Variants in EPHA6 observed in about 807,000 individuals in gnomAD.
EPHA6 encodes the protein EPH receptor A6.
A neutral mutation model predicts 112.0 loss-of-function variants in EPHA6; 50 were observed. The ratio of observed to expected loss-of-function variants is 0.45; its 90% CI spans 0.36 to 0.56. EPHA6 has a LOEUF of 0.56. EPHA6 is among the 20% of genes least tolerant of loss of function. EPHA6 has a pLI of 0.00. For synonymous variants in EPHA6, 529 were observed against 490.7 expected (o/e 1.08, Z -1.03); for missense variants, 1,280 against 1,417.4 (o/e 0.90, Z 1.56).
At chr3:97,267,189 T>C (rs2079712791) in intron 5 of EPHA6, among the ~76,000 whole-genome samples, 1 of 152,142 alleles carries the variant, frequency 6.6e-6, no homozygotes, top group South Asian at 2.1e-4. Context: ...ACGAACTGTT[T>C]CAAAAGCCAC....
chr3:97,480,084 T>C (rs2091486196), intron 9 of EPHA6, among the ~76,000 whole-genome samples: 1 of 152,200 alleles, frequency 6.6e-6, no homozygotes, highest in Non-Finnish European at 1.5e-5. Context: ...TTATCTTTTA[T>C]TTCAAATTGA....
chr3:97,160,423 C>CT (rs1192865443), intron 3 of EPHA6, among the ~76,000 whole-genome samples: 1 of 151,786 alleles, frequency 6.6e-6, no homozygotes, highest in Non-Finnish European at 1.5e-5. Context: ...ATTACAGGTG[C>CT]CCCCCACCAT....
chr3:97,521,153 T>C (rs758192544), intron 10 of EPHA6, among the ~76,000 whole-genome samples: 1 of 152,026 alleles, frequency 6.6e-6, no homozygotes, highest in Non-Finnish European at 1.5e-5. Context: ...TTGTATCTCA[T>C]TGAGCTTCTT....
chr3:97,533,689 G>A lies in EPHA6; in HGVS notation c.2386+1146G>A, dbSNP rs183663384. Among the ~76,000 whole-genome samples, 89 of 151,924 alleles carry A rather than the reference G, an allele frequency of 5.9e-4. 1 individual carries two copies. Among genetic ancestry groups the A allele is most frequent in the East Asian group, 3.7e-3 (19 of 5,138 alleles). ...GTAAAGGCATCTTACATGTTTGTACGTTGGAGCTTGTCCTCTTGCCACACT... is the reference window on the plus strand; with the variant it reads ...GTAAAGGCATCTTACATGTTTGTACATTGGAGCTTGTCCTCTTGCCACACT... On this transcript the variant is annotated intron_variant, in intron 11 of 17. Coordinates refer to ENST00000389672, the MANE Select transcript of EPHA6 (RefSeq NM_001080448.3).
At chr3:97,540,723 C>CA (rs1407717462) in intron 11 of EPHA6, among the ~76,000 whole-genome samples, 2 of 151,512 alleles carry the variant, frequency 1.3e-5, no homozygotes, top group Non-Finnish European at 2.9e-5. Flanking sequence ...CAGTAAGAGC[C>CA]AAAAAAAGAA....
At chr3:97,204,916 G>A (rs1290402311) in intron 3 of EPHA6, among the ~76,000 whole-genome samples, 3 of 152,056 alleles carry the variant, frequency 2.0e-5, no homozygotes, top group African/African-American at 4.8e-5. Flanking sequence ...CTTCCTAAGG[G>A]ATAAAGGGAG....
chr3:97,412,918 A>G (rs1339092167), intron 6 of EPHA6, among the ~76,000 whole-genome samples: 1 of 152,004 alleles, frequency 6.6e-6, no homozygotes, highest in African/African-American at 2.4e-5. Context: ...AAATTATCAG[A>G]GATCACAATG....
chr3:97,593,207 T>A (rs972733353), intron 12 of EPHA6, among the ~76,000 whole-genome samples: 1 of 152,156 alleles, frequency 6.6e-6, no homozygotes, highest in Non-Finnish European at 1.5e-5. Flanking sequence ...CTGAAAGACA[T>A]ATTTTAGAAT....
chr3:97,733,695 C>T (rs1328764888), intron 15 of EPHA6, among the ~76,000 whole-genome samples: 1 of 152,056 alleles, frequency 6.6e-6, no homozygotes, highest in Non-Finnish European at 1.5e-5. Context: ...ATCATACATA[C>T]ATGCACAAGA....
intron 5 of EPHA6, among the ~76,000 whole-genome samples, chr3:97,360,239 A>G (rs1385158898): frequency 6.6e-6 from 1 of 151,526 alleles, no homozygotes; most frequent in Non-Finnish European, 1.5e-5. Context: ...ATCTGAAATC[A>G]ACTTCAATTT....
At chr3:97,327,594 C>A (rs963297106) in intron 5 of EPHA6, among the ~76,000 whole-genome samples, 1 of 151,802 alleles carries the variant, frequency 6.6e-6, no homozygotes, top group South Asian at 2.1e-4. Context: ...GATCCCCCCA[C>A]GTTGCTTTTT....
intron 2 of EPHA6, among the ~76,000 whole-genome samples, chr3:96,967,010 A>G (rs1290247064): frequency 6.6e-6 from 1 of 151,934 alleles, no homozygotes; most frequent in Admixed American, 6.6e-5. Context: ...CACTTAGGAA[A>G]ATAACATTTT....
At chr3:97,690,550 C>T (rs559434341) in intron 14 of EPHA6, among the ~76,000 whole-genome samples, 39 of 152,142 alleles carry the variant, frequency 2.6e-4, no homozygotes, top group African/African-American at 9.2e-4. Flanking sequence ...TCACTGCAAC[C>T]TCCACCTCCT....
At chr3:97,463,764 CATG>C (rs2107401045) in intron 7 of EPHA6, among the ~76,000 whole-genome samples, 1 of 152,210 alleles carries the variant, frequency 6.6e-6, no homozygotes, top group African/African-American at 2.4e-5. Context: ...TAATTCATTC[CATG>C]CACACAGACT....
chr3:97,665,267 C>T (rs1033036937), intron 14 of EPHA6, among the ~76,000 whole-genome samples: 14 of 151,990 alleles, frequency 9.2e-5, no homozygotes, highest in South Asian at 4.1e-4. Context: ...GCTAGCCATA[C>T]GTAGAAAGCT....
At chr3:97,104,501 G>A (rs2047505908) in intron 3 of EPHA6, among the ~76,000 whole-genome samples, 1 of 152,088 alleles carries the variant, frequency 6.6e-6, no homozygotes, top group Admixed American at 6.6e-5. Context: ...AAGCCTACTT[G>A]ATCGTGGTGG....
At chr3:96,954,150 G>T (rs1297053716) in intron 2 of EPHA6, among the ~76,000 whole-genome samples, 18 of 151,942 alleles carry the variant, frequency 1.2e-4, no homozygotes, top group Admixed American at 1.2e-3. Flanking sequence ...CTGGGATTAC[G>T]GGTGTGAGCC....
chr3:97,038,659 G>A (rs1243597562), intron 3 of EPHA6, among the ~76,000 whole-genome samples: 1 of 152,002 alleles, frequency 6.6e-6, no homozygotes, highest in African/African-American at 2.4e-5. Context: ...GGCTGTCCTC[G>A]GGAATATTTG....
intron 2 of EPHA6, among the ~76,000 whole-genome samples, chr3:96,978,843 T>A (rs2107807840): frequency 6.6e-6 from 1 of 152,310 alleles, no homozygotes; most frequent in Admixed American, 6.5e-5. Flanking sequence ...TTTTTTCACT[T>A]CAGACCCTTC....
Sources: gnomAD v4.1 joint callset for allele counts (sites outside exome capture counted in the v4.1 genomes callset) on GRCh38, gnomAD v4.1.1 for gene constraint, MANE v1.5 for transcripts, NCBI Gene and HGNC (gene_info 2026-07-23, HGNC 2026-07-21) for gene names.